TP53AIP1: variants seen among roughly 807,000 people sequenced by gnomAD.
TP53AIP1 encodes the protein tumor protein p53 regulated apoptosis inducing protein 1, also known as p53-regulated apoptosis-inducing protein 1.
Under a neutral mutation model 9.5 loss-of-function variants are expected in TP53AIP1, and 14 were observed. That is an observed-to-expected ratio of 1.47 (90% CI 0.97 to 2.30). The LOEUF (loss-of-function observed/expected upper bound fraction) is 2.30. TP53AIP1 is among the 30% of genes most tolerant of loss of function. The pLI, the probability that TP53AIP1 is intolerant of heterozygous loss-of-function variation, is 0.00. For missense variants in TP53AIP1, 153 were observed against 146.7 expected (o/e 1.04, Z -0.22); for synonymous variants, 73 against 61.2 (o/e 1.19, Z -0.90).
At chr11:128,935,339 A>G, downstream of TP53AIP1, 2 of 1,417,274 alleles carry the variant, frequency 1.4e-6, no homozygotes, top group Non-Finnish European at 9.2e-7. Flanking sequence ...GCAAGTGGAT[A>G]TTATAGATTG....
At position 128,939,269 on chromosome 11, in the gene TP53AIP1, C is replaced by A. The variant is rs1944896882; in HGVS notation, c.-76-1375G>T. Among the ~76,000 whole-genome samples, 1 of 152,210 alleles carries A rather than the reference C, an allele frequency of 6.6e-6. No homozygotes were observed. Among genetic ancestry groups the A allele is most frequent in the Non-Finnish European group, 1.5e-5 (1 of 68,038 alleles). On this transcript the variant is annotated intron_variant, in intron 1 of 3. Coordinates refer to ENST00000531399, the MANE Select transcript of TP53AIP1 (RefSeq NM_022112.3). This position sits in a 1 kb window ranked among gnomAD's most constrained non-coding sequence, Gnocchi z 4.1. The stretch of plus-strand genomic sequence containing the variant: ...CGCAGCCCCCAGGAGACCACAGGCC[C>A]TGGACTCCCAAATCCCAGCAGCAAT...
At chr11:128,940,796 G>A (rs555522455) in intron 1 of TP53AIP1, among the ~76,000 whole-genome samples, 4 of 152,312 alleles carry the variant, frequency 2.6e-5, no homozygotes, top group South Asian at 2.1e-4. Flanking sequence ...GTGCCTTTCC[G>A]CAGGTGCCCA....
intron 1 of TP53AIP1, among the ~76,000 whole-genome samples, chr11:128,938,571 C>T (rs967472122): frequency 2.6e-5 from 4 of 152,184 alleles, no homozygotes; most frequent in Non-Finnish European, 5.9e-5. Flanking sequence ...TGTGGCCCCT[C>T]TCAGCTTTCA....
intron 2 of TP53AIP1, 182 bp from the exon 3 acceptor site, chr11:128,936,831 C>G: frequency 7.0e-7 from 1 of 1,422,072 alleles, no homozygotes; most frequent in Non-Finnish European, 9.1e-7. Context: ...GAACAAAAGG[C>G]TCCTCAAGGT....
At chr11:128,940,156 T>C (rs375789130) in intron 1 of TP53AIP1, among the ~76,000 whole-genome samples, 3 of 152,254 alleles carry the variant, frequency 2.0e-5, no homozygotes, top group Admixed American at 6.5e-5. Context: ...CAAAGAACCT[T>C]GGAGCCCCTG....
chr11:128,936,477 T>C, intron 3 of TP53AIP1, 61 bp downstream of exon 3: 1 of 1,487,036 alleles, frequency 6.7e-7, no homozygotes, highest in Non-Finnish European at 8.9e-7. Flanking sequence ...CGAGAGGACA[T>C]CAAATCACTT....
Position 128,937,914 on chromosome 11 carries a change from G to T in TP53AIP1, c.-76-20C>A. On this transcript the variant is annotated intron_variant, in intron 1 of 3. Transcript: ENST00000531399. This position sits in a 1 kb window ranked among gnomAD's most constrained non-coding sequence, Gnocchi z 4.8. ...AAGGGACTAAAAACAAACAAAACAGGCTATGAACAGAAGCAGTGGTGGCAG... is the reference window on the plus strand; with the variant it reads ...AAGGGACTAAAAACAAACAAAACAGTCTATGAACAGAAGCAGTGGTGGCAG... 1 of 1,316,110 alleles carries T rather than the reference G, an allele frequency of 7.6e-7. No homozygotes were observed. The highest frequency in any genetic ancestry group is 1.0e-6 in the Non-Finnish European group (1 of 972,204). The allele number at this position is 1,316,110 out of a possible 1,614,324, so 81.5% of individuals were successfully genotyped here. A position where few individuals can be genotyped will look rare whatever the true frequency, so the allele number is the denominator to read the frequency against.
chr11:128,939,537 G>A lies in TP53AIP1; in HGVS notation c.-76-1643C>T, dbSNP rs2136024764. ...TTCACACCTATGCATCTGGTTCAATGCTGGGCATTTTGTCAGGCCACAAGC... is the reference window on the plus strand; with the variant it reads ...TTCACACCTATGCATCTGGTTCAATACTGGGCATTTTGTCAGGCCACAAGC... On this transcript the variant is annotated intron_variant, in intron 1 of 3. Transcript: ENST00000531399. The surrounding 1 kb of genome is among the most constrained non-coding windows in gnomAD (Gnocchi z 4.1). 6.6e-6 allele frequency among the ~76,000 whole-genome samples: 1 copy of A among 152,332 alleles called. No homozygotes were observed. Among genetic ancestry groups the A allele is most frequent in the African/African-American group, 2.4e-5 (1 of 41,562 alleles).
At chr11:128,935,322 G>GT (rs1203106432), downstream of TP53AIP1, 1 of 1,418,678 alleles carries the variant, frequency 7.0e-7, no homozygotes, top group Non-Finnish European at 9.2e-7. Flanking sequence ...ATCGTTTTTA[G>GT]TTTTTAGCAA....
Position 128,937,744 on chromosome 11 carries a change from G to A in TP53AIP1, c.75C>T (p.Gly25=), listed in dbSNP as rs935517148. Residue 25 remains glycine (G), a synonymous_variant, in exon 2 of 4, where the codon GGC becomes GGT. Transcript: ENST00000531399. This position sits in a 1 kb window ranked among gnomAD's most constrained non-coding sequence, Gnocchi z 4.8. ...TCACCGAGAGGTTCTGGTCTCCCCT[G>A]CCCAGGCCCTGCCTCCTGGCCCCAC... ...SCSGARRQGL[G]RGDQNLSVMP... The A allele has an allele frequency of 4.3e-6, 7 of 1,613,932 alleles. No homozygotes were observed. The African/African-American group carries it at 8.0e-5, about 18-fold the overall frequency.
chr11:128,940,223 G>C (rs1281298824), intron 1 of TP53AIP1, among the ~76,000 whole-genome samples: 4 of 152,190 alleles, frequency 2.6e-5, no homozygotes, highest in Admixed American at 2.6e-4. Flanking sequence ...GAGACAATGA[G>C]CTGGCATTGG....
At chr11:128,940,524 T>C (rs1052149206) in intron 1 of TP53AIP1, among the ~76,000 whole-genome samples, 1 of 152,172 alleles carries the variant, frequency 6.6e-6, no homozygotes, top group South Asian at 2.1e-4. Context: ...CCTTCAGCCA[T>C]GTGAGGACGG....
rs944151282 is a variant in TP53AIP1 at position 128,937,775 on chromosome 11, G to A, written c.44C>T (p.Ser15Phe). 6.2e-7 allele frequency: 1 copy of A among 1,613,948 alleles called. No homozygotes were observed. The highest frequency in any genetic ancestry group is 8.5e-7 in the Non-Finnish European group (1 of 1,180,014). ...SEASFRSAQA[S>F]CSGARRQGLG... ...GCCCTGCCTCCTGGCCCCACTGCAG[G>A]AAGCTTGAGCAGATCTGAAGCTCGC... Residue 15 changes from serine to phenylalanine, a missense_variant, in exon 2 of 4, where the codon TCC (serine) becomes TTC (phenylalanine). By Grantham distance (155) the Ser-to-Phe change is radical. Coordinates refer to ENST00000531399, the MANE Select transcript of TP53AIP1 (RefSeq NM_022112.3). This position sits in a 1 kb window ranked among gnomAD's most constrained non-coding sequence, Gnocchi z 4.8.
chr11:128,936,138 T>C (rs1481736128), intron 3 of TP53AIP1: 3 of 1,014,544 alleles, frequency 3.0e-6, no homozygotes, highest in South Asian at 3.8e-5. Flanking sequence ...TCCTAAGTGG[T>C]AGAGTCAGGA....
chr11:128,936,200 A>T, intron 3 of TP53AIP1: 1 of 1,072,436 alleles, frequency 9.3e-7, no homozygotes, highest in Non-Finnish European at 1.1e-6. Context: ...GCTTTGCAGA[A>T]ACTAAAGTTG....
chr11:128,938,070 A>G (rs1944868622), intron 1 of TP53AIP1, among the ~76,000 whole-genome samples, 176 bp from the exon 2 acceptor site: 1 of 151,700 alleles, frequency 6.6e-6, no homozygotes, highest in Non-Finnish European at 1.5e-5. Context: ...GCTTTGGGAA[A>G]CTCAAACTGA....
rs1196998455 is a variant in TP53AIP1 at position 128,935,950 on chromosome 11, C to T, written c.254-238G>A. 9.9e-6 allele frequency: 12 copies of T among 1,208,674 alleles called. No homozygotes were observed. The East Asian group carries it at 3.8e-4, about 38-fold the overall frequency. The allele number at this position is 1,208,674 out of a possible 1,614,324, so 74.9% of individuals were successfully genotyped here. ...TGTATCTTGGAATAAACAAAATATG[C>T]TAATGATAACAGTAAGATATGTAGG... On this transcript the variant is annotated intron_variant, in intron 3 of 3. Coordinates refer to ENST00000531399, the MANE Select transcript of TP53AIP1 (RefSeq NM_022112.3).
downstream of TP53AIP1, chr11:128,934,854 A>G (rs1445637317): frequency 4.9e-6 from 3 of 609,850 alleles, no homozygotes; most frequent in African/African-American, 1.8e-5. Flanking sequence ...TGGGCGATTG[A>G]GGTCATGCCC....
At chr11:128,941,689 A>G (rs1446533319) in intron 1 of TP53AIP1, among the ~76,000 whole-genome samples, 1 of 152,204 alleles carries the variant, frequency 6.6e-6, no homozygotes, top group African/African-American at 2.4e-5. Context: ...TTCAGCAATA[A>G]TTAGTCCCAG....
Sources: allele counts gnomAD v4.1 joint callset (sites outside exome capture counted in the v4.1 genomes callset), GRCh38; gene constraint gnomAD v4.1.1; non-coding constraint Gnocchi (gnomAD v3.1); transcripts MANE v1.5; gene names NCBI Gene and HGNC (gene_info 2026-07-23, HGNC 2026-07-21).